TLN2: variants seen among roughly 807,000 people sequenced by gnomAD.
TLN2 encodes the protein talin-2.
A neutral mutation model predicts 294.7 loss-of-function variants in TLN2; 118 were observed. The ratio of observed to expected loss-of-function variants is 0.40; its 90% CI spans 0.34 to 0.47. The LOEUF (loss-of-function observed/expected upper bound fraction) is 0.47. TLN2 is among the 20% of genes least tolerant of loss of function. The pLI is 0.84. For synonymous variants in TLN2, 1,431 were observed against 1,304.5 expected (o/e 1.10, Z -2.09); for missense variants, 3,083 against 3,282.2 (o/e 0.94, Z 1.48).
intron 48 of TLN2, among the ~76,000 whole-genome samples, chr15:62,798,419 G>C (rs1275656896): frequency 6.6e-6 from 1 of 152,178 alleles, no homozygotes; most frequent in East Asian, 1.9e-4. Flanking sequence ...ATGCGGCACA[G>C]CTCTTGGCAC....
At chr15:62,833,921 G>A (rs547780405) in intron 55 of TLN2, 8 of 262,456 alleles carry the variant, frequency 3.0e-5, no homozygotes, top group South Asian at 1.3e-4. Context: ...ATTAGGCTAC[G>A]TAAAGATGTA....
intron 1 of TLN2, among the ~76,000 whole-genome samples, chr15:62,474,677 T>C (rs1400066831): frequency 6.6e-6 from 1 of 152,106 alleles, no homozygotes; most frequent in African/African-American, 2.4e-5. Flanking sequence ...GTTATGGTAG[T>C]GTTTTGTTTT....
chr15:62,464,182 A>G (rs901964153), intron 1 of TLN2, among the ~76,000 whole-genome samples: 5 of 152,212 alleles, frequency 3.3e-5, no homozygotes, highest in South Asian at 2.1e-4. Flanking sequence ...CCACATGTCT[A>G]TCAGTGATGG....
chr15:62,545,372 C>G (rs2041933858), intron 1 of TLN2, among the ~76,000 whole-genome samples: 3 of 152,116 alleles, frequency 2.0e-5, no homozygotes. Flanking sequence ...CCACATTTGT[C>G]TGTTGAAGAG....
At chr15:62,528,701 A>G (rs916287021) in intron 1 of TLN2, among the ~76,000 whole-genome samples, 4 of 112,566 alleles carry the variant, frequency 3.6e-5, no homozygotes, top group African/African-American at 1.5e-4. Flanking sequence ...GGCATGTCTC[A>G]GGCAAACAAG....
At chr15:62,425,107 C>T (rs972967056) in intron 1 of TLN2, among the ~76,000 whole-genome samples, 1 of 151,740 alleles carries the variant, frequency 6.6e-6, no homozygotes, top group African/African-American at 2.4e-5. Context: ...GGCCTGCCAC[C>T]ATGCCTGGCT....
intron 42 of TLN2, among the ~76,000 whole-genome samples, chr15:62,775,264 G>T (rs530224121): frequency 2.0e-5 from 3 of 152,258 alleles, no homozygotes; most frequent in African/African-American, 7.2e-5. Flanking sequence ...TAAATGAGAT[G>T]TAGAGAAATA....
At chr15:62,400,522 A>G (rs1451940171) in intron 1 of TLN2, among the ~76,000 whole-genome samples, 1 of 152,234 alleles carries the variant, frequency 6.6e-6, no homozygotes, top group Non-Finnish European at 1.5e-5. Flanking sequence ...ATTCATGGGT[A>G]TCATTTTAAA....
intron 1 of TLN2, among the ~76,000 whole-genome samples, chr15:62,490,180 C>G (rs1048201206): frequency 1.3e-4 from 20 of 152,282 alleles, no homozygotes; most frequent in African/African-American, 4.8e-4. Context: ...TGTTTTGAGG[C>G]TTTTAAAGTG....
intron 2 of TLN2, among the ~76,000 whole-genome samples, chr15:62,602,619 C>T (rs909605845): frequency 3.9e-5 from 6 of 152,236 alleles, no homozygotes; most frequent in South Asian, 4.1e-4. Context: ...GGGCACAGGC[C>T]GATTCAGTGT....
In TLN2 at chr15:62,833,558, A is replaced by C. The variant is rs753674852; in HGVS notation, c.7057A>C (p.Ile2353Leu). 2.2e-5 allele frequency: 36 copies of C among 1,614,044 alleles called. 1 individual carries two copies. ...ACAGATCTTGGAAGCTGCTAAATCC[A>C]TTGCTGCTGCCACAAGCGCCCTGGT... ...EEQILEAAKS[I>L]AAATSALVKS... The change falls in exon 55 of 59, where the codon ATT (isoleucine) becomes CTT (leucine). Residue 2353 changes from isoleucine (I) to leucine (L), a missense_variant. Transcript: ENST00000636159.
intron 1 of TLN2, among the ~76,000 whole-genome samples, chr15:62,463,621 C>T (rs1313136918): frequency 6.6e-6 from 1 of 152,194 alleles, no homozygotes; most frequent in Non-Finnish European, 1.5e-5. Flanking sequence ...CGCGGTGCCT[C>T]ACGCCTGTAA....
chr15:62,689,664 T>A (rs1272403205), intron 12 of TLN2, among the ~76,000 whole-genome samples: 5 of 151,852 alleles, frequency 3.3e-5, no homozygotes, highest in Non-Finnish European at 5.9e-5. Context: ...CATTTGGGAT[T>A]GACAGTTCCT....
intron 32 of TLN2, among the ~76,000 whole-genome samples, chr15:62,743,384 C>A (rs1487573297): frequency 6.6e-6 from 1 of 152,128 alleles, no homozygotes; most frequent in South Asian, 2.1e-4. Context: ...GTCCTTCTTG[C>A]TCTGGGAAGA....
intron 1 of TLN2, among the ~76,000 whole-genome samples, chr15:62,433,066 G>C (rs2035096223): frequency 6.6e-6 from 1 of 152,164 alleles, no homozygotes; most frequent in East Asian, 1.9e-4. Context: ...GAGGGGCAGA[G>C]GGTGTGAGAT....
At chr15:62,477,264 A>C (rs1029795450) in intron 1 of TLN2, among the ~76,000 whole-genome samples, 1 of 152,258 alleles carries the variant, frequency 6.6e-6, no homozygotes, top group Non-Finnish European at 1.5e-5. Flanking sequence ...TGCATTTCTA[A>C]CAAGATACAG....
intron 1 of TLN2, among the ~76,000 whole-genome samples, chr15:62,503,997 T>A (rs2471021): frequency 1.3e-5 from 2 of 152,128 alleles, no homozygotes; most frequent in African/African-American, 2.4e-5. Context: ...TCATCTGTGC[T>A]TTTTTGAGCC....
intron 52 of TLN2, among the ~76,000 whole-genome samples, chr15:62,811,343 A>C (rs1410159705): frequency 1.3e-5 from 2 of 152,360 alleles, no homozygotes; most frequent in Admixed American, 1.3e-4. Flanking sequence ...GCCAGTCAGC[A>C]TTCACAGGCA....
At chr15:62,494,154 C>CA (rs1184021724) in intron 1 of TLN2, among the ~76,000 whole-genome samples, 3 of 152,118 alleles carry the variant, frequency 2.0e-5, no homozygotes, top group Non-Finnish European at 2.9e-5. Context: ...CCAAGTACCC[C>CA]AAGCCTGTGG....
Sources: gnomAD v4.1 joint callset for allele counts (sites outside exome capture counted in the v4.1 genomes callset) on GRCh38, gnomAD v4.1.1 for gene constraint, MANE v1.5 for transcripts, NCBI Gene and HGNC (gene_info 2026-07-23, HGNC 2026-07-21) for gene names.